The following CHN1 variants were observed in gnomAD, a reference collection of about 807,000 sequenced individuals.
The protein encoded by CHN1 is chimerin 1, also known as N-chimaerin.
Under a neutral mutation model 59.5 loss-of-function variants are expected in CHN1, and 37 were observed. The observed-to-expected ratio is 0.62, with a 90% CI of 0.48 to 0.82. The LOEUF (loss-of-function observed/expected upper bound fraction) is 0.82, where lower values mean the gene tolerates loss of function less well. Among genes scored for constraint, CHN1 ranks in the 40% least tolerant of loss-of-function variants. The probability of loss-of-function intolerance (pLI) is 0.00; values close to 1 mark genes in which losing one functional copy is unlikely to be tolerated. For missense variants in CHN1, 469 were observed against 571.0 expected, an observed-to-expected ratio of 0.82 and a Z score of 1.82; for synonymous variants, 206 against 200.4, an observed-to-expected ratio of 1.03 and a Z score of -0.24.
intron 1 of CHN1, among the ~76,000 whole-genome samples, chr2:174,958,514 C>A (rs1044459445): frequency 3.3e-5 from 5 of 152,124 alleles, no homozygotes; most frequent in African/African-American, 1.2e-4. Flanking sequence ...TGAGGGCCTC[C>A]CGGAGATCAT....
In CHN1 at chr2:174,877,916, T is replaced by C; in HGVS notation, c.473A>G (p.Lys158Arg). 1 of 1,613,916 alleles carries C rather than the reference T, an allele frequency of 6.2e-7. No homozygotes were observed. Residue 158 changes from lysine to arginine, a missense_variant, in exon 6 of 13, where the codon AAA becomes AGA. Lys to Arg is a conservative substitution (Grantham distance 26). Around this residue, in one of 5 missense-constraint regions of CHN1, gnomAD observed 81 missense variants for 71.7 expected, o/e 1.13. Transcript: ENST00000409900. ...YTTLNREPAYKKHMPVLKETH... is the reference protein window; with the variant it reads ...YTTLNREPAYRKHMPVLKETH... ...CTCTTTCAGGACTGGCATATGTTTT[T>C]TGTATGCTGGCTCTCTGTTTAAGGT...
chr2:174,878,774 T>C (rs77457649), intron 5 of CHN1, among the ~76,000 whole-genome samples: 3,441 of 152,358 alleles, frequency 0.023, 139 homozygotes, highest in African/African-American at 0.079. Flanking sequence ...CAAGAAATGT[T>C]TGAAATACAT....
intron 1 of CHN1, among the ~76,000 whole-genome samples, chr2:174,999,822 G>T (rs1574260224): frequency 6.6e-6 from 1 of 152,274 alleles, no homozygotes; most frequent in Non-Finnish European, 1.5e-5. Context: ...TTTTTTAAAA[G>T]GTTGAGAAAA....
At chr2:174,835,718 C>T (rs574897123) in intron 7 of CHN1, among the ~76,000 whole-genome samples, 1 of 152,034 alleles carries the variant, frequency 6.6e-6, no homozygotes, top group South Asian at 2.1e-4. Context: ...CTTTTCACCT[C>T]TAGAGATTCA....
At chr2:174,824,215 G>T (rs1377574280) in intron 8 of CHN1, among the ~76,000 whole-genome samples, 1 of 152,130 alleles carries the variant, frequency 6.6e-6, no homozygotes, top group Non-Finnish European at 1.5e-5. Context: ...GTGGACTAAT[G>T]CCAGATCCCT....
At chr2:174,847,019 A>G in intron 6 of CHN1, 62 bp from the exon 7 acceptor site, 1 of 1,551,614 alleles carries the variant, frequency 6.4e-7, no homozygotes, top group Non-Finnish European at 8.7e-7. Flanking sequence ...TGGAGAACCC[A>G]GTTTCATTCC....
chr2:174,909,480 T>A (rs1688628286), intron 5 of CHN1, among the ~76,000 whole-genome samples: 1 of 152,140 alleles, frequency 6.6e-6, no homozygotes, highest in Non-Finnish European at 1.5e-5. Flanking sequence ...GTTAGCCCTA[T>A]CAACCTGAAG....
At chr2:174,803,476 C>T (rs764088065) in intron 11 of CHN1, among the ~76,000 whole-genome samples, 4 of 152,188 alleles carry the variant, frequency 2.6e-5, no homozygotes, top group Admixed American at 1.3e-4. Context: ...CAATTTATAA[C>T]AGTAGTGCCA....
intron 1 of CHN1, among the ~76,000 whole-genome samples, chr2:174,957,788 T>A (rs746123244): frequency 9.9e-5 from 15 of 152,122 alleles, no homozygotes; most frequent in Non-Finnish European, 1.8e-4. Context: ...AATAATTTAA[T>A]CTTGTCTCAG....
At chr2:174,934,132 G>T (rs763789451) in intron 3 of CHN1, among the ~76,000 whole-genome samples, 5 of 152,150 alleles carry the variant, frequency 3.3e-5, no homozygotes, top group Non-Finnish European at 7.4e-5. Context: ...ATTACATTTA[G>T]TGTGTACTTT....
At chr2:174,821,614 G>A in intron 8 of CHN1, 1 of 248,278 alleles carries the variant, frequency 4.0e-6, no homozygotes. Flanking sequence ...GACAGAGGGA[G>A]TTGGCCCCTT....
In CHN1 at chr2:174,800,059, T is replaced by C. The variant is rs771954643; in HGVS notation, c.*57A>G. On this transcript the variant is annotated 3_prime_UTR_variant, in exon 13 of 13. Transcript: ENST00000409900. ...AATGCAGCTACAGGAGCAAATTAAA[T>C]TACTATAAAACATTCCTTCATCTGT... 14 of 1,460,866 alleles carry C rather than the reference T, an allele frequency of 9.6e-6. No individual in the cohort carries two copies. The South Asian group carries it at 1.7e-4, about 18-fold the overall frequency. The allele number at this position is 1,460,866 out of a possible 1,614,324, so 90.5% of individuals were successfully genotyped here.
At chr2:174,931,992 T>G (rs138893322) in intron 3 of CHN1, among the ~76,000 whole-genome samples, 3 of 152,248 alleles carry the variant, frequency 2.0e-5, no homozygotes, top group African/African-American at 4.8e-5. Flanking sequence ...CTGTGAAGGT[T>G]TGGCTTTTAC....
chr2:174,919,723 T>A (rs1396050972), intron 3 of CHN1, among the ~76,000 whole-genome samples: 1 of 152,132 alleles, frequency 6.6e-6, no homozygotes, highest in Non-Finnish European at 1.5e-5. Context: ...TATTGTGGAA[T>A]GGCTAAAATA....
chr2:174,918,486 T>C (rs1280362387), intron 4 of CHN1, 48 bp downstream of exon 4: 1 of 1,427,378 alleles, frequency 7.0e-7, no homozygotes, highest in Non-Finnish European at 9.6e-7. Flanking sequence ...ACCCTGTCTG[T>C]CTTACATATG....
chr2:174,809,837 TTTTA>T (rs1228714170), intron 10 of CHN1, among the ~76,000 whole-genome samples: 1 of 152,188 alleles, frequency 6.6e-6, no homozygotes, highest in East Asian at 1.9e-4. Context: ...GCTGATGAGA[TTTTA>T]TTTGTTTTGA....
At chr2:174,962,766 C>T (rs1395422137) in intron 1 of CHN1, among the ~76,000 whole-genome samples, 2 of 148,294 alleles carry the variant, frequency 1.3e-5, no homozygotes, top group Non-Finnish European at 3.0e-5. Context: ...AAAAATTAGC[C>T]GGGCATGATG....
chr2:174,845,901 T>C (rs947294376), intron 7 of CHN1, among the ~76,000 whole-genome samples: 1 of 152,154 alleles, frequency 6.6e-6, no homozygotes, highest in African/African-American at 2.4e-5. Flanking sequence ...TTATAGGTGC[T>C]GAATAAATGT....
At chr2:174,915,314 TAAC>T (rs1688815244) in intron 4 of CHN1, 143 bp from the exon 5 acceptor site, 2 of 672,226 alleles carry the variant, frequency 3.0e-6, no homozygotes, top group African/African-American at 3.6e-5. Flanking sequence ...CACTTGGGTT[TAAC>T]TATGCTTGTG....
Sources: gnomAD v4.1 joint callset for allele counts (sites outside exome capture counted in the v4.1 genomes callset) on GRCh38, gnomAD v4.1.1 for gene constraint, gnomAD v4.1.1 regional missense constraint, MANE v1.5 for transcripts, NCBI Gene and HGNC (gene_info 2026-07-23, HGNC 2026-07-21) for gene names.